Variants in REXO2 observed in about 807,000 individuals in gnomAD.
The protein encoded by REXO2 is oligoribonuclease, mitochondrial.
In REXO2, 17 loss-of-function variants were observed where a neutral mutation model predicts 30.9. The ratio of observed to expected loss-of-function variants is 0.55; its 90% confidence interval spans 0.38 to 0.82. REXO2 has a LOEUF of 0.82. REXO2 is among the 40% of genes least tolerant of loss of function. The pLI is 0.00. For synonymous variants in REXO2, 105 were observed against 99.6 expected (o/e 1.05, Z -0.32); for missense variants, 253 against 293.2 (o/e 0.86, Z 1.00).
At chr11:114,441,226 A>G (rs145004077) in intron 2 of REXO2, among the ~76,000 whole-genome samples, 2,266 of 152,324 alleles carry the variant, frequency 0.015, 37 homozygotes, top group African/African-American at 0.05. Context: ...TAGGACAGCC[A>G]GCTGTCCTCC....
At chr11:114,447,775 C>G (rs1246385308) in intron 5 of REXO2, 51 bp from the exon 6 acceptor site, 1 of 1,452,162 alleles carries the variant, frequency 6.9e-7, no homozygotes, top group Non-Finnish European at 9.5e-7. Context: ...GGTAATTGTT[C>G]AGTATATTTG....
At position 114,442,169 on chromosome 11, in the gene REXO2, A is replaced by AG. The variant is rs1405991192; in HGVS notation, c.231+1430_231+1431insG. On this transcript the variant is annotated intron_variant, in intron 2 of 6. Transcript: ENST00000265881. ...TGAGGATAAAGATGTTAAAAAAAAAAAAAAAGCTTAGGGGCTATCAGTTCT... is the reference window on the plus strand; with the variant it reads ...TGAGGATAAAGATGTTAAAAAAAAAAGAAAAAGCTTAGGGGCTATCAGTTCT... Among the ~76,000 whole-genome samples, 3 of 152,102 alleles carry AG rather than the reference A, an allele frequency of 2.0e-5. No individual in the cohort carries two copies. The East Asian group carries it at 5.8e-4, about 29-fold the overall frequency.
intron 5 of REXO2, 136 bp from the exon 6 acceptor site, chr11:114,447,690 G>C: frequency 3.2e-6 from 2 of 625,206 alleles, no homozygotes; most frequent in South Asian, 2.2e-5. Context: ...GTAGAAGATA[G>C]AGGCCCCGGC....
At chr11:114,446,356 T>C (rs1946509916) in intron 5 of REXO2, 1 of 270,848 alleles carries the variant, frequency 3.7e-6, no homozygotes, top group Non-Finnish European at 6.9e-6. Context: ...TAATATTATG[T>C]GGAAGTCTTG....
intron 5 of REXO2, among the ~76,000 whole-genome samples, chr11:114,446,723 C>T (rs570202605): frequency 6.6e-6 from 1 of 152,134 alleles, no homozygotes; most frequent in Non-Finnish European, 1.5e-5. Context: ...AATCCCAAAG[C>T]ATTCATTAAT....
intron 5 of REXO2, 41 bp downstream of exon 5, chr11:114,446,128 G>C: frequency 1.8e-6 from 2 of 1,112,834 alleles, no homozygotes; most frequent in Non-Finnish European, 2.6e-6. Flanking sequence ...ACCTCATTTA[G>C]CATGTTTTAA....
chr11:114,448,471 T>C (rs1255948645), intron 6 of REXO2, among the ~76,000 whole-genome samples: 2 of 152,208 alleles, frequency 1.3e-5, no homozygotes, highest in Non-Finnish European at 1.5e-5. Flanking sequence ...CCCTATGATG[T>C]ACCTTGCACA....
chr11:114,441,227 G>A (rs1946476093), intron 2 of REXO2, among the ~76,000 whole-genome samples: 1 of 152,312 alleles, frequency 6.6e-6, no homozygotes, highest in East Asian at 1.9e-4. Flanking sequence ...AGGACAGCCA[G>A]CTGTCCTCCC....
intron 2 of REXO2, 132 bp downstream of exon 2, chr11:114,440,871 A>G: frequency 1.6e-6 from 1 of 619,288 alleles, no homozygotes; most frequent in Non-Finnish European, 2.8e-6. Flanking sequence ...GTGCTAGGTC[A>G]TGGTAGGGGT....
chr11:114,441,219 G>A (rs770244176), intron 2 of REXO2, among the ~76,000 whole-genome samples: 11 of 152,170 alleles, frequency 7.2e-5, no homozygotes, highest in Non-Finnish European at 1.2e-4. Context: ...TAACAAGTAG[G>A]ACAGCCAGCT....
At chr11:114,443,567 T>G (rs1308272274) in intron 2 of REXO2, among the ~76,000 whole-genome samples, 3 of 152,144 alleles carry the variant, frequency 2.0e-5, no homozygotes, top group Non-Finnish European at 4.4e-5. Context: ...ATTCTTAGCT[T>G]TCTAGCTATT....
At chr11:114,448,367 T>C (rs773106962) in intron 6 of REXO2, among the ~76,000 whole-genome samples, 1 of 152,232 alleles carries the variant, frequency 6.6e-6, no homozygotes, top group Admixed American at 6.5e-5. Flanking sequence ...TCTTTTCTTT[T>C]TGATTTTGTA....
intron 4 of REXO2, 52 bp downstream of exon 4, chr11:114,444,704 A>C: frequency 8.5e-7 from 1 of 1,172,714 alleles, no homozygotes. Flanking sequence ...TAGTGGTTCA[A>C]GAGACTGCAG....
chr11:114,443,771 G>A, intron 2 of REXO2, 85 bp from the exon 3 acceptor site: 2 of 924,288 alleles, frequency 2.2e-6, no homozygotes, highest in Non-Finnish European at 3.4e-6. Context: ...TGTATATTTA[G>A]TCCTTAAAAC....
intron 3 of REXO2, 89 bp from the exon 4 acceptor site, chr11:114,444,452 A>T: frequency 1.1e-6 from 1 of 917,378 alleles, no homozygotes; most frequent in South Asian, 1.4e-5. Context: ...ATATTTGCCC[A>T]TTTTAAAAGT....
At position 114,446,004 on chromosome 11, in the gene REXO2, G is replaced by T; in HGVS notation, c.447G>T (p.Lys149Asn). Residue 149 changes from lysine to asparagine, a missense_variant, in exon 5 of 7, where the codon AAG (lysine) becomes AAT (asparagine). Transcript: ENST00000265881. ...GAAATTCAGTTCATGAAGATAAGAA[G>T]TTTCTTGACAAATACATGCCCCAGT... The part of the protein sequence containing the change: ...LAGNSVHEDK[K>N]FLDKYMPQFM... The T allele has an allele frequency of 6.2e-7, 1 of 1,604,974 alleles. No individual in the cohort carries two copies. The highest frequency in any genetic ancestry group is 1.3e-5 in the African/African-American group (1 of 74,828).
At chr11:114,447,531 T>C (rs944823700) in intron 5 of REXO2, among the ~76,000 whole-genome samples, 4 of 152,040 alleles carry the variant, frequency 2.6e-5, no homozygotes, top group Non-Finnish European at 4.4e-5. Context: ...TAGAAGTGTC[T>C]GGTAGATTTT....
chr11:114,440,095 A>C (rs773253812), intron 1 of REXO2: 1 of 470,780 alleles, frequency 2.1e-6, no homozygotes, highest in South Asian at 1.5e-5. Flanking sequence ...CTTACCCCTC[A>C]TTCCATAAGT....
intron 3 of REXO2, chr11:114,444,296 T>A (rs1946498851): frequency 1.6e-6 from 1 of 624,222 alleles, no homozygotes; most frequent in Non-Finnish European, 2.9e-6. Flanking sequence ...TCCTTGGACT[T>A]TGAACACCGT....
Sources: allele counts gnomAD v4.1 joint callset (sites outside exome capture counted in the v4.1 genomes callset), GRCh38; gene constraint gnomAD v4.1.1; transcripts MANE v1.5; gene names NCBI Gene and HGNC (gene_info 2026-07-23, HGNC 2026-07-21).